The following IPO8 variants were observed in gnomAD, a reference collection of about 807,000 sequenced individuals.
The protein encoded by IPO8 is importin 8.
Under a neutral mutation model 141.2 loss-of-function variants are expected in IPO8, and 65 were observed. The observed-to-expected ratio is 0.46, with a 90% CI of 0.38 to 0.57. The LOEUF is 0.57. Ranked by LOEUF, IPO8 falls within the 20% of genes least tolerant of loss-of-function variation. The pLI is 0.00. For synonymous variants in IPO8, 411 were observed against 420.3 expected (o/e 0.98, Z 0.27); for missense variants, 980 against 1,246.8 (o/e 0.79, Z 3.22).
intron 15 of IPO8, among the ~76,000 whole-genome samples, chr12:30,662,010 C>T (rs1409465473): frequency 6.6e-6 from 1 of 152,136 alleles, no homozygotes; most frequent in Non-Finnish European, 1.5e-5. Flanking sequence ...GCTTGAACAT[C>T]ATTGAATGTA....
At chr12:30,679,763 C>G (rs558754670) in intron 5 of IPO8, among the ~76,000 whole-genome samples, 1 of 152,246 alleles carries the variant, frequency 6.6e-6, no homozygotes, top group East Asian at 1.9e-4. Context: ...CAAAACCATC[C>G]TCTTCTCACG....
At chr12:30,647,603 C>CAAAAAAAA (rs34098076) in intron 20 of IPO8, among the ~76,000 whole-genome samples, 1 of 40,778 alleles carries the variant, frequency 2.5e-5, no homozygotes, top group Admixed American at 3.1e-4. Context: ...AGACCGTCTC[C>CAAAAAAAA]AAAAAAAAAA....
intron 20 of IPO8, among the ~76,000 whole-genome samples, chr12:30,641,533 GCT>G (rs1386124117): frequency 2.4e-5 from 3 of 123,642 alleles, no homozygotes; most frequent in Non-Finnish European, 5.0e-5. Context: ...ACAGAGTCTT[GCT>G]CTGTCACCCA....
At position 30,649,224 on chromosome 12, in the gene IPO8, A is replaced by G. The variant is rs896413847; in HGVS notation, c.2181T>C (p.Cys727=). ...ILFTMCRKVL[C]GDAGEDAECH... ...ACTCTGCATCTTCTCCTGCATCTCCACATAGTACCTGCAGTAATTACAATT... is the reference window on the plus strand; with the variant it reads ...ACTCTGCATCTTCTCCTGCATCTCCGCATAGTACCTGCAGTAATTACAATT... The change falls in exon 20 of 25, where the codon TGT becomes TGC. Residue 727 remains cysteine (C), a synonymous_variant. Transcript: ENST00000256079. 5.0e-6 allele frequency: 8 copies of G among 1,611,596 alleles called. No homozygotes were observed. In the East Asian group the frequency reaches 1.8e-4, roughly 36 times the overall value.
chr12:30,644,933 G>A (rs1259737799), intron 20 of IPO8, among the ~76,000 whole-genome samples: 3 of 151,860 alleles, frequency 2.0e-5, no homozygotes, highest in East Asian at 2.0e-4. Flanking sequence ...GATTACAGGC[G>A]TAAGCCACTG....
chr12:30,662,844 G>T (rs554492645), intron 14 of IPO8, among the ~76,000 whole-genome samples: 1 of 152,084 alleles, frequency 6.6e-6, no homozygotes, highest in Non-Finnish European at 1.5e-5. Context: ...AATCATGTAC[G>T]TGAAGACTAT....
intron 21 of IPO8, among the ~76,000 whole-genome samples, chr12:30,638,052 T>G (rs1214310840): frequency 6.6e-6 from 1 of 152,178 alleles, no homozygotes; most frequent in Non-Finnish European, 1.5e-5. Context: ...GAGGACCTTC[T>G]CATCCATGCA....
At chr12:30,676,724 C>G in intron 5 of IPO8, 137 bp from the exon 6 acceptor site, 1 of 780,154 alleles carries the variant, frequency 1.3e-6, no homozygotes, top group South Asian at 1.6e-5. Flanking sequence ...ATGGTTCAAC[C>G]TAACTTAAAA....
At chr12:30,650,242 T>G (rs904685032) in intron 19 of IPO8, among the ~76,000 whole-genome samples, 8 of 152,038 alleles carry the variant, frequency 5.3e-5, no homozygotes, top group Admixed American at 4.6e-4. Context: ...GAAAAATTAA[T>G]TAAGAAATTC....
chr12:30,651,322 CCTGACTCTTTAGAA>C (rs2052723666), intron 19 of IPO8, among the ~76,000 whole-genome samples: 1 of 152,204 alleles, frequency 6.6e-6, no homozygotes, highest in African/African-American at 2.4e-5. Context: ...CCAAAATTTC[CCTGACTCTTTAGAA>C]CTGAACTGAG....
At chr12:30,678,593 AAAGTT>A (rs1284933927) in intron 5 of IPO8, among the ~76,000 whole-genome samples, 1 of 152,204 alleles carries the variant, frequency 6.6e-6, no homozygotes, top group Admixed American at 6.5e-5. Context: ...ATGCATCCCC[AAAGTT>A]AAGTAACACA....
At chr12:30,683,202 T>C (rs1269480238) in intron 3 of IPO8, among the ~76,000 whole-genome samples, 2 of 152,218 alleles carry the variant, frequency 1.3e-5, no homozygotes, top group Non-Finnish European at 2.9e-5. Flanking sequence ...GGATACATGA[T>C]GGTACCACAG....
chr12:30,632,902 T>G (rs1286713277), intron 23 of IPO8, among the ~76,000 whole-genome samples: 1 of 152,224 alleles, frequency 6.6e-6, no homozygotes, highest in African/African-American at 2.4e-5. Flanking sequence ...ACTGCGTTCC[T>G]TCACAGTCTT....
chr12:30,668,596 CTATGT>C (rs2136156288), intron 10 of IPO8, among the ~76,000 whole-genome samples: 1 of 152,240 alleles, frequency 6.6e-6, no homozygotes, highest in African/African-American at 2.4e-5. Context: ...TAATATTTTG[CTATGT>C]TAAGTGCTTG....
chr12:30,656,811 T>C (rs891662353), intron 16 of IPO8, 61 bp from the exon 17 acceptor site: 2 of 788,610 alleles, frequency 2.5e-6, no homozygotes, highest in East Asian at 6.2e-5. Flanking sequence ...AAATTTAATA[T>C]TGTGCCAATA....
chr12:30,664,826 G>A (rs906549520), intron 13 of IPO8, among the ~76,000 whole-genome samples: 2 of 151,962 alleles, frequency 1.3e-5, no homozygotes, highest in South Asian at 2.1e-4. Flanking sequence ...CGCAACCTCC[G>A]CCTCCCGGGT....
At chr12:30,637,698 G>A (rs577618390) in intron 21 of IPO8, among the ~76,000 whole-genome samples, 5 of 152,088 alleles carry the variant, frequency 3.3e-5, no homozygotes, top group African/African-American at 1.2e-4. Context: ...AAACTCCTGT[G>A]CTATAAAATA....
rs188833767 is a variant in IPO8, at chr12:30,667,605, T to C, written c.1145-1354A>G. Among the ~76,000 whole-genome samples the C allele has an allele frequency of 2.7e-3, 411 of 152,262 alleles. 1 individual carries two copies. Among genetic ancestry groups the C allele is most frequent in the African/African-American group, 9.4e-3 (389 of 41,550 alleles). On this transcript the variant is annotated intron_variant, in intron 10 of 24. Coordinates refer to ENST00000256079, the MANE Select transcript of IPO8 (RefSeq NM_006390.4). Reference sequence around the variant, plus strand: ...TGGTTACCCAAAAGTAAAATACACATATCAAATAAAAGCCACTGCATTCCA... The same window carrying C: ...TGGTTACCCAAAAGTAAAATACACACATCAAATAAAAGCCACTGCATTCCA...
chr12:30,679,838 CA>C (rs1175188810), intron 5 of IPO8, among the ~76,000 whole-genome samples: 1 of 152,156 alleles, frequency 6.6e-6, no homozygotes, highest in Admixed American at 6.5e-5. Flanking sequence ...AGACTGAAAA[CA>C]ATTATTCTTC....
Sources: allele counts gnomAD v4.1 joint callset (sites outside exome capture counted in the v4.1 genomes callset), GRCh38; gene constraint gnomAD v4.1.1; transcripts MANE v1.5; gene names NCBI Gene and HGNC (gene_info 2026-07-23, HGNC 2026-07-21).